Variants in CDH12 observed in about 807,000 individuals in gnomAD.
CDH12 encodes the protein cadherin-12.
In CDH12, 41 loss-of-function variants were observed where a neutral mutation model predicts 74.1. The observed-to-expected ratio is 0.55, with a 90% CI of 0.43 to 0.72. The LOEUF is 0.72. Among genes scored for constraint, CDH12 ranks in the 30% least tolerant of loss-of-function variants. The pLI is 0.00. For missense variants in CDH12, 945 were observed against 977.2 expected (o/e 0.97, Z 0.44); for synonymous variants, 399 against 355.0 (o/e 1.12, Z -1.39).
rs139156569 is a variant in CDH12 at position 22,645,256 on chromosome 5, G to C, written c.-522-139892C>G. Among the ~76,000 whole-genome samples the C allele has an allele frequency of 5.8e-3, 888 of 152,190 alleles. 10 individuals are homozygous for C. Among genetic ancestry groups the C allele is most frequent in the African/African-American group, 0.02 (831 of 41,556 alleles). ...CAAGAATATTCATGATCCATGAAAA[G>C]AGGTCAAAATATCAACATCAACAGG... On this transcript the variant is annotated intron_variant, in intron 1 of 14. Coordinates refer to ENST00000382254, the MANE Select transcript of CDH12 (RefSeq NM_004061.5).
intron 3 of CDH12, among the ~76,000 whole-genome samples, chr5:22,229,360 C>CAA (rs34665859): frequency 0.44 from 55,297 of 124,938 alleles, 10,706 homozygotes; most frequent in East Asian, 0.54. Flanking sequence ...CTGCCTTTTA[C>CAA]AAAAAAAAAA....
intron 1 of CDH12, among the ~76,000 whole-genome samples, chr5:22,608,125 C>A (rs547388390): frequency 1.8e-4 from 28 of 152,298 alleles, no homozygotes; most frequent in African/African-American, 6.3e-4. Context: ...TGAAAGCTTG[C>A]ACCATGTGCC....
At chr5:21,884,359 C>T in intron 6 of CDH12, 1 of 989,438 alleles carries the variant, frequency 1.0e-6, no homozygotes, top group Non-Finnish European at 1.6e-6. Flanking sequence ...TGACAGGAAG[C>T]CCAAGGCAGT....
At chr5:21,918,433 G>T (rs1286988653) in intron 6 of CDH12, among the ~76,000 whole-genome samples, 1 of 151,784 alleles carries the variant, frequency 6.6e-6, no homozygotes, top group East Asian at 1.9e-4. Context: ...TGCTAATAAA[G>T]ACATACCCGA....
chr5:22,655,536 C>T (rs1382740285), intron 1 of CDH12, among the ~76,000 whole-genome samples: 1 of 152,182 alleles, frequency 6.6e-6, no homozygotes, highest in Non-Finnish European at 1.5e-5. Flanking sequence ...ATCCATTTTG[C>T]ATTTGTATAT....
intron 2 of CDH12, among the ~76,000 whole-genome samples, chr5:22,463,378 C>T (rs990707071): frequency 6.6e-6 from 1 of 152,016 alleles, no homozygotes; most frequent in Admixed American, 6.5e-5. Context: ...TAAATATAGT[C>T]ATAGTTTTAC....
In CDH12 at chr5:22,789,675, C is replaced by T. The variant is rs991805473; in HGVS notation, c.-523+63383G>A. ...GTGATTTTATATCTCTGATTTACAACAGGCTAGGTTTCCTGGTTGATAAAT... is the reference window on the plus strand; with the variant it reads ...GTGATTTTATATCTCTGATTTACAATAGGCTAGGTTTCCTGGTTGATAAAT... On this transcript the variant is annotated intron_variant, in intron 1 of 14. Transcript: ENST00000382254. 4.6e-5 allele frequency among the ~76,000 whole-genome samples: 7 copies of T among 151,932 alleles called. No homozygotes were observed. In the South Asian group the frequency reaches 6.2e-4, roughly 13 times the overall value.
At chr5:22,487,378 A>T (rs1746652866) in intron 2 of CDH12, among the ~76,000 whole-genome samples, 1 of 152,180 alleles carries the variant, frequency 6.6e-6, no homozygotes, top group Non-Finnish European at 1.5e-5. Context: ...CAACAAGGTA[A>T]AAAACAGGGA....
intron 2 of CDH12, among the ~76,000 whole-genome samples, chr5:22,436,774 T>C (rs1744413142): frequency 6.6e-6 from 1 of 152,168 alleles, no homozygotes; most frequent in African/African-American, 2.4e-5. Context: ...CTCTATAATT[T>C]GTTCATAGAA....
intron 1 of CDH12, among the ~76,000 whole-genome samples, chr5:22,584,761 T>G (rs1007629965): frequency 6.6e-6 from 1 of 152,182 alleles, no homozygotes; most frequent in Non-Finnish European, 1.5e-5. Context: ...TTATAGGCTC[T>G]TACTATCTAT....
intron 1 of CDH12, among the ~76,000 whole-genome samples, chr5:22,827,011 G>A (rs1707074): frequency 6.6e-6 from 1 of 152,220 alleles, no homozygotes; most frequent in Non-Finnish European, 1.5e-5. Context: ...AATATCTCCA[G>A]AACATGTAAG....
chr5:22,016,938 C>A (rs78742803), intron 5 of CDH12, among the ~76,000 whole-genome samples: 1 of 151,982 alleles, frequency 6.6e-6, no homozygotes, highest in Non-Finnish European at 1.5e-5. Context: ...TGCTATACTC[C>A]TTCTGTCACA....
At chr5:21,948,489 C>A (rs1755679533) in intron 6 of CDH12, among the ~76,000 whole-genome samples, 1 of 152,182 alleles carries the variant, frequency 6.6e-6, no homozygotes, top group African/African-American at 2.4e-5. Context: ...GGAATGGGAG[C>A]ATTTATCCAA....
chr5:22,227,448 CAAT>C (rs2150372705), intron 3 of CDH12, among the ~76,000 whole-genome samples: 2 of 152,064 alleles, frequency 1.3e-5, no homozygotes, highest in South Asian at 4.2e-4. Context: ...ATAATTTGGC[CAAT>C]AATTTGTTTG....
intron 4 of CDH12, among the ~76,000 whole-genome samples, chr5:22,123,513 T>C (rs1045328104): frequency 2.6e-5 from 4 of 152,190 alleles, no homozygotes; most frequent in Admixed American, 6.5e-5. Flanking sequence ...ACTGGGTATG[T>C]AGTCGTTCGA....
intron 1 of CDH12, among the ~76,000 whole-genome samples, chr5:22,795,422 G>A (rs987292782): frequency 1.3e-5 from 2 of 151,946 alleles, no homozygotes; most frequent in African/African-American, 4.8e-5. Context: ...GGAAGGCAAA[G>A]CATCTTTCCT....
chr5:22,008,695 G>A (rs1737112442), intron 5 of CDH12, among the ~76,000 whole-genome samples: 1 of 152,150 alleles, frequency 6.6e-6, no homozygotes, highest in Non-Finnish European at 1.5e-5. Context: ...CTTTATCTGA[G>A]GGAATATTTG....
chr5:22,338,386 A>G (rs1185435136), intron 3 of CDH12, among the ~76,000 whole-genome samples: 1 of 152,100 alleles, frequency 6.6e-6, no homozygotes, highest in Non-Finnish European at 1.5e-5. Context: ...GATTGAACCC[A>G]TGGAGAAAGA....
chr5:22,457,446 GTCTC>G (rs1173589208), intron 2 of CDH12, among the ~76,000 whole-genome samples: 3 of 149,580 alleles, frequency 2.0e-5, no homozygotes, highest in Admixed American at 1.3e-4. Context: ...TTGAGATGGA[GTCTC>G]TCTCTGTGGC....
Sources: gnomAD v4.1 joint callset for allele counts (sites outside exome capture counted in the v4.1 genomes callset) on GRCh38, gnomAD v4.1.1 for gene constraint, MANE v1.5 for transcripts, NCBI Gene and HGNC (gene_info 2026-07-23, HGNC 2026-07-21) for gene names.